Variants in VRK2 observed in about 807,000 individuals in gnomAD.
VRK2 encodes serine/threonine-protein kinase VRK2.
In VRK2, 60 loss-of-function variants were observed where a neutral mutation model predicts 57.6. The observed-to-expected ratio is 1.04, with a 90% CI of 0.85 to 1.29. The LOEUF (loss-of-function observed/expected upper bound fraction) is 1.29. Ranked by LOEUF, VRK2 falls within the 50% of genes most tolerant of loss-of-function variation. VRK2 has a pLI of 0.00. For synonymous variants in VRK2, 231 were observed against 199.2 expected, an observed-to-expected ratio of 1.16 and a Z score of -1.35; for missense variants, 705 against 588.1, an observed-to-expected ratio of 1.20 and a Z score of -2.06.
At chr2:58,099,979 T>G (rs1237409087) in intron 7 of VRK2, among the ~76,000 whole-genome samples, 2 of 152,030 alleles carry the variant, frequency 1.3e-5, no homozygotes, top group Non-Finnish European at 2.9e-5. Flanking sequence ...CTTATAGTGT[T>G]TCCAAAGTGT....
intron 2 of VRK2, among the ~76,000 whole-genome samples, chr2:58,083,653 T>C (rs774436400): frequency 2.0e-5 from 3 of 151,858 alleles, no homozygotes; most frequent in Non-Finnish European, 4.4e-5. Flanking sequence ...TTTTTATTTC[T>C]GAATCATTAT....
chr2:57,919,329 T>C (rs1166895815), intron 1 of VRK2, among the ~76,000 whole-genome samples: 1 of 152,098 alleles, frequency 6.6e-6, no homozygotes, highest in Non-Finnish European at 1.5e-5. Context: ...ATATAAACAA[T>C]ATTTCTCTTA....
chr2:57,923,242 G>A (rs573639828), intron 1 of VRK2, among the ~76,000 whole-genome samples: 77 of 152,098 alleles, frequency 5.1e-4, no homozygotes, highest in African/African-American at 1.7e-3. Flanking sequence ...ATACCTAGCT[G>A]TGAGATTGCT....
At chr2:58,143,756 G>A (rs1490564095) in intron 11 of VRK2, among the ~76,000 whole-genome samples, 1 of 151,876 alleles carries the variant, frequency 6.6e-6, no homozygotes, top group Non-Finnish European at 1.5e-5. Context: ...AAAACCAGAT[G>A]TCAAAGAGGT....
At chr2:57,940,817 C>T (rs543456616) in intron 1 of VRK2, among the ~76,000 whole-genome samples, 3 of 151,672 alleles carry the variant, frequency 2.0e-5, no homozygotes, top group South Asian at 2.1e-4. Flanking sequence ...TATTACTTCA[C>T]GTAGAAATAT....
At chr2:57,974,403 T>C (rs1414199089) in intron 1 of VRK2, among the ~76,000 whole-genome samples, 1 of 151,928 alleles carries the variant, frequency 6.6e-6, no homozygotes, top group East Asian at 1.9e-4. Context: ...AAAGTATATA[T>C]GGGATTTTTT....
intron 1 of VRK2, among the ~76,000 whole-genome samples, chr2:58,021,597 C>T (rs979129120): frequency 4.6e-5 from 7 of 152,072 alleles, no homozygotes; most frequent in Admixed American, 3.9e-4. Flanking sequence ...TCAGTGAATC[C>T]CTTCCATATA....
At chr2:58,116,993 T>G (rs1676620687) in intron 7 of VRK2, among the ~76,000 whole-genome samples, 1 of 152,142 alleles carries the variant, frequency 6.6e-6, no homozygotes, top group African/African-American at 2.4e-5. Context: ...GGCAAGGAGT[T>G]GCAACTTTTT....
At chr2:58,033,383 C>T (rs539807387) in exon 3 of VRK2, 53 of 151,922 alleles carry the variant, frequency 3.5e-4, no homozygotes, top group African/African-American at 1.1e-3. Flanking sequence ...GCAGAAAAAC[C>T]GGAAGAAGTT....
chr2:58,137,502 T>C (rs1326286787), intron 10 of VRK2, among the ~76,000 whole-genome samples: 2 of 151,914 alleles, frequency 1.3e-5, no homozygotes, highest in Non-Finnish European at 2.9e-5. Context: ...CATACTATTA[T>C]TTATAAAATG....
chr2:57,925,401 T>C (rs1670499082), intron 1 of VRK2, among the ~76,000 whole-genome samples: 1 of 152,154 alleles, frequency 6.6e-6, no homozygotes. Flanking sequence ...GTTCAGGTTT[T>C]GGATTTCCTT....
rs760145730 is a variant in VRK2, at chr2:58,159,466, C to A, written c.1300C>A (p.Gln434Lys). The change falls in exon 13 of 13, where the codon CAA (glutamine) becomes AAA (lysine). Residue 434 changes from glutamine to lysine, a missense_variant. By Grantham distance (53) the Gln-to-Lys change is moderately conservative (BLOSUM62 1). Coordinates refer to ENST00000340157, the MANE Select transcript of VRK2 (RefSeq NM_006296.7). ...CCCAAACTCATTTTATGAGCCTCATCAAGATTTTACCAGTCCAGATATATT... is the reference window on the plus strand; with the variant it reads ...CCCAAACTCATTTTATGAGCCTCATAAAGATTTTACCAGTCCAGATATATT... ...QFPNSFYEPH[Q>K]DFTSPDIFKK... 6.2e-7 allele frequency: 1 copy of A among 1,613,620 alleles called. No homozygotes were observed. Among genetic ancestry groups the A allele is most frequent in the Non-Finnish European group, 8.5e-7 (1 of 1,179,726 alleles).
intron 12 of VRK2, chr2:58,154,801 A>ATGTAAGTATTCCATGC: frequency 1.4e-6 from 1 of 717,182 alleles, no homozygotes; most frequent in Non-Finnish European, 2.6e-6. Context: ...ATTTTTTCTA[A>ATGTAAGTATTCCATGC]TGTAAGTATT....
chr2:58,130,199 A>AT (rs1558674356), intron 8 of VRK2, among the ~76,000 whole-genome samples: 1 of 152,184 alleles, frequency 6.6e-6, no homozygotes, highest in Non-Finnish European at 1.5e-5. Flanking sequence ...TGTGTAGCTT[A>AT]TATCATCCAA....
chr2:58,076,101 GTCT>G (rs1366925458), intron 2 of VRK2, among the ~76,000 whole-genome samples: 4 of 132,992 alleles, frequency 3.0e-5, no homozygotes, highest in East Asian at 2.1e-4. Context: ...AATAGCTACT[GTCT>G]TCTTTTTTTT....
intron 2 of VRK2, among the ~76,000 whole-genome samples, chr2:58,080,883 C>A: frequency 6.6e-6 from 1 of 151,738 alleles, no homozygotes. Context: ...ATATTATGTA[C>A]ATATGTGCAG....
chr2:57,936,668 A>C (rs1353818705), intron 1 of VRK2, among the ~76,000 whole-genome samples: 1 of 151,284 alleles, frequency 6.6e-6, no homozygotes, highest in Non-Finnish European at 1.5e-5. Flanking sequence ...TTCCTGTTGT[A>C]TTTATTAATT....
upstream of VRK2, among the ~76,000 whole-genome samples, chr2:58,042,374 T>C (rs2103725684): frequency 6.6e-6 from 1 of 152,300 alleles, no homozygotes; most frequent in African/African-American, 2.4e-5. Context: ...AAAATTTCTA[T>C]GTCAGGAACT....
chr2:58,079,329 G>A (rs1238713609), intron 2 of VRK2, among the ~76,000 whole-genome samples: 1 of 152,136 alleles, frequency 6.6e-6, no homozygotes, highest in Non-Finnish European at 1.5e-5. Context: ...ATTAATAAGT[G>A]TCTTGTGGGA....
Sources: allele counts gnomAD v4.1 joint callset (sites outside exome capture counted in the v4.1 genomes callset), GRCh38; gene constraint gnomAD v4.1.1; transcripts MANE v1.5; gene names NCBI Gene and HGNC (gene_info 2026-07-23, HGNC 2026-07-21).